CDH13: variants seen among roughly 807,000 people sequenced by gnomAD.
CDH13 encodes cadherin 13.
CDH13 carries 24 observed loss-of-function variants against 63.8 expected under a neutral mutation model. The ratio of observed to expected loss-of-function variants is 0.38; its 90% CI spans 0.27 to 0.53. CDH13 has a LOEUF of 0.53. CDH13 is among the 20% of genes least tolerant of loss of function. CDH13 has a pLI of 0.85. For missense variants in CDH13, 1,049 were observed against 903.1 expected (o/e 1.16, Z -2.07); for synonymous variants, 503 against 355.3 (o/e 1.42, Z -4.67).
chr16:82,934,923 C>T (rs2042617980), intron 2 of CDH13, among the ~76,000 whole-genome samples: 1 of 152,186 alleles, frequency 6.6e-6, no homozygotes, highest in African/African-American at 2.4e-5. Context: ...ACCACATTTT[C>T]CTGTGTTCTT....
At chr16:83,496,960 G>T (rs1009105383) in intron 7 of CDH13, among the ~76,000 whole-genome samples, 1 of 152,186 alleles carries the variant, frequency 6.6e-6, no homozygotes, top group African/African-American at 2.4e-5. Context: ...ACCACAATGA[G>T]ATACCATCTC....
Position 83,683,323 on chromosome 16 carries a change from G to A in CDH13, c.1538+4862G>A, listed in dbSNP as rs373104611. 3.9e-5 allele frequency among the ~76,000 whole-genome samples: 6 copies of A among 152,222 alleles called. No homozygotes were observed. In the East Asian group the frequency reaches 1.2e-3, roughly 29 times the overall value. ...TATTATAAAGTTAAGATAGTTTCTGGAAGAAACTTTTGAAAAGACAGGTAA... is the reference window on the plus strand; with the variant it reads ...TATTATAAAGTTAAGATAGTTTCTGAAAGAAACTTTTGAAAAGACAGGTAA... On this transcript the variant is annotated intron_variant, in intron 10 of 13. Coordinates refer to ENST00000567109, the MANE Select transcript of CDH13 (RefSeq NM_001257.5).
chr16:82,920,148 C>A (rs1482691339), intron 2 of CDH13, among the ~76,000 whole-genome samples: 1 of 152,126 alleles, frequency 6.6e-6, no homozygotes, highest in African/African-American at 2.4e-5. Context: ...TCAGGCCTGG[C>A]TGGGTGTATA....
intron 3 of CDH13, among the ~76,000 whole-genome samples, chr16:83,111,113 A>G (rs1463481409): frequency 1.3e-5 from 2 of 151,704 alleles, no homozygotes; most frequent in Non-Finnish European, 2.9e-5. Flanking sequence ...CGGAGCTTGC[A>G]GTGAGCCGAG....
chr16:83,225,527 AG>A (rs2039813664), intron 5 of CDH13, among the ~76,000 whole-genome samples: 1 of 152,230 alleles, frequency 6.6e-6, no homozygotes, highest in Non-Finnish European at 1.5e-5. Flanking sequence ...AGATGTCCTC[AG>A]AAGATTGGAG....
At chr16:83,036,137 T>G (rs1335686793) in intron 3 of CDH13, among the ~76,000 whole-genome samples, 1 of 142,226 alleles carries the variant, frequency 7.0e-6, no homozygotes, top group African/African-American at 2.7e-5. Context: ...GCTCTGGAGC[T>G]CTCCTCTTTT....
At chr16:83,091,123 A>G (rs1257199090) in intron 3 of CDH13, among the ~76,000 whole-genome samples, 2 of 152,178 alleles carry the variant, frequency 1.3e-5, no homozygotes, top group Admixed American at 1.3e-4. Flanking sequence ...TGTAAACATA[A>G]AACATTTCTC....
chr16:83,322,746 C>T (rs184571342), intron 5 of CDH13, among the ~76,000 whole-genome samples: 68 of 152,106 alleles, frequency 4.5e-4, no homozygotes, highest in East Asian at 1.6e-3. Flanking sequence ...AAGATTCATC[C>T]GGTCTATGAC....
chr16:83,566,628 A>G (rs180997518), intron 7 of CDH13, among the ~76,000 whole-genome samples: 11 of 152,166 alleles, frequency 7.2e-5, no homozygotes, highest in Non-Finnish European at 1.2e-4. Flanking sequence ...TCCTTGTACC[A>G]TCTAATGAGG....
chr16:82,628,239 A>G (rs1181159691), intron 1 of CDH13, among the ~76,000 whole-genome samples: 1 of 152,004 alleles, frequency 6.6e-6, no homozygotes, highest in African/African-American at 2.4e-5. Context: ...GCAGCCTGCA[A>G]GTGGGTGGAT....
chr16:83,079,800 A>G (rs1232079070), intron 3 of CDH13, among the ~76,000 whole-genome samples: 1 of 152,204 alleles, frequency 6.6e-6, no homozygotes, highest in Non-Finnish European at 1.5e-5. Flanking sequence ...ACTGCATAAT[A>G]TTTATTTGGA....
chr16:83,317,805 A>C (rs2151891765), intron 5 of CDH13, among the ~76,000 whole-genome samples: 1 of 151,804 alleles, frequency 6.6e-6, no homozygotes, highest in Admixed American at 6.6e-5. Flanking sequence ...GTCTCAAGAA[A>C]AAAAAAAAAA....
At chr16:83,518,559 G>A (rs1448926928) in intron 7 of CDH13, among the ~76,000 whole-genome samples, 3 of 150,434 alleles carry the variant, frequency 2.0e-5, no homozygotes, top group African/African-American at 4.9e-5. Context: ...TGCAAGCTCC[G>A]CCTCCCGGGT....
chr16:83,075,198 C>T (rs75544118), intron 3 of CDH13, among the ~76,000 whole-genome samples: 6,868 of 152,186 alleles, frequency 0.045, 195 homozygotes, highest in South Asian at 0.1. Context: ...GGCTTGTGTC[C>T]ACACCCTGTC....
intron 7 of CDH13, among the ~76,000 whole-genome samples, chr16:83,488,709 C>G (rs1405482451): frequency 6.6e-6 from 1 of 152,148 alleles, no homozygotes; most frequent in Non-Finnish European, 1.5e-5. Context: ...ACTGCAACCT[C>G]CACTTCCCAG....
chr16:83,452,371 T>TTATC (rs112583309), intron 6 of CDH13, among the ~76,000 whole-genome samples: 151,103 of 152,216 alleles, frequency 0.99, 75,006 homozygotes, highest in Middle Eastern at 1. Context: ...TTTATATTGA[T>TTATC]TACTTGGTGC....
chr16:83,157,464 A>C (rs531106165), intron 4 of CDH13, among the ~76,000 whole-genome samples: 1 of 152,344 alleles, frequency 6.6e-6, no homozygotes, highest in African/African-American at 2.4e-5. Context: ...CATTATAGTT[A>C]TATTTTAATT....
intron 7 of CDH13, among the ~76,000 whole-genome samples, chr16:83,568,800 G>A (rs779615302): frequency 6.6e-5 from 10 of 152,158 alleles, no homozygotes; most frequent in Non-Finnish European, 1.0e-4. Context: ...AGAGCTCCTC[G>A]TGATCATCTC....
chr16:82,936,395 G>T (rs1375268707), intron 2 of CDH13, among the ~76,000 whole-genome samples: 1 of 152,130 alleles, frequency 6.6e-6, no homozygotes, highest in Non-Finnish European at 1.5e-5. Context: ...GATCTAGATT[G>T]TGTGCTCCTT....
Sources: allele counts gnomAD v4.1 joint callset (sites outside exome capture counted in the v4.1 genomes callset), GRCh38; gene constraint gnomAD v4.1.1; transcripts MANE v1.5; gene names NCBI Gene and HGNC (gene_info 2026-07-23, HGNC 2026-07-21).